ATRNL1: variants seen among roughly 807,000 people sequenced by gnomAD.
ATRNL1 encodes attractin like 1.
ATRNL1 carries 95 observed loss-of-function variants against 182.7 expected under a neutral mutation model. The ratio of observed to expected loss-of-function variants is 0.52; its 90% CI spans 0.44 to 0.62. The LOEUF is 0.62. Among genes scored for constraint, ATRNL1 ranks in the 20% least tolerant of loss-of-function variants. ATRNL1 has a pLI of 0.00. For synonymous variants in ATRNL1, 576 were observed against 568.3 expected, an observed-to-expected ratio of 1.01 and a Z score of -0.19; for missense variants, 1,471 against 1,679.5, an observed-to-expected ratio of 0.88 and a Z score of 2.17.
At chr10:115,371,870 G>A (rs595299) in intron 19 of ATRNL1, among the ~76,000 whole-genome samples, 1 of 151,900 alleles carries the variant, frequency 6.6e-6, no homozygotes, top group Non-Finnish European at 1.5e-5. Context: ...TTGAATTGTA[G>A]CCCCCGTAAT....
intron 8 of ATRNL1, among the ~76,000 whole-genome samples, chr10:115,203,854 C>A (rs1462282361): frequency 2.0e-5 from 3 of 150,906 alleles, no homozygotes; most frequent in Non-Finnish European, 4.4e-5. Flanking sequence ...GTCTTGGCCT[C>A]CCAAAATGCT....
intron 6 of ATRNL1, among the ~76,000 whole-genome samples, chr10:115,161,334 TGAA>T (rs1441754131): frequency 2.0e-5 from 3 of 151,882 alleles, no homozygotes; most frequent in Non-Finnish European, 2.9e-5. Context: ...TTTTTTAACA[TGAA>T]GAATAAAATA....
chr10:115,366,772 T>G (rs2134177389), intron 19 of ATRNL1, among the ~76,000 whole-genome samples: 1 of 151,264 alleles, frequency 6.6e-6, no homozygotes, highest in Non-Finnish European at 1.5e-5. Flanking sequence ...TCTCCTTCAC[T>G]TATGAAGCTT....
At chr10:115,928,060 G>A (rs1953287368) in intron 28 of ATRNL1, among the ~76,000 whole-genome samples, 1 of 151,966 alleles carries the variant, frequency 6.6e-6, no homozygotes, top group Non-Finnish European at 1.5e-5. Context: ...GTTAAACCAG[G>A]AAATTTCTAA....
At chr10:115,226,084 T>A (rs1036828152) in intron 9 of ATRNL1, among the ~76,000 whole-genome samples, 1 of 151,796 alleles carries the variant, frequency 6.6e-6, no homozygotes, top group Admixed American at 6.6e-5. Context: ...GGAAATAGAC[T>A]AATGCAGCAA....
chr10:115,759,439 T>C (rs1948676001), intron 27 of ATRNL1, among the ~76,000 whole-genome samples: 1 of 152,070 alleles, frequency 6.6e-6, no homozygotes, highest in South Asian at 2.1e-4. Context: ...CTTGCTCCAT[T>C]TGTGATAACC....
At chr10:115,231,226 G>A (rs1270592385) in intron 9 of ATRNL1, among the ~76,000 whole-genome samples, 1 of 152,116 alleles carries the variant, frequency 6.6e-6, no homozygotes, top group Non-Finnish European at 1.5e-5. Context: ...GAGGAAAACT[G>A]GGAGAATATG....
intron 8 of ATRNL1, among the ~76,000 whole-genome samples, chr10:115,184,115 A>G (rs1847847886): frequency 1.3e-5 from 2 of 151,510 alleles, no homozygotes; most frequent in African/African-American, 4.8e-5. Flanking sequence ...TATGAAATAT[A>G]TTAATAAAAC....
chr10:115,138,307 T>C lies in ATRNL1; in HGVS notation c.829+8772T>C, dbSNP rs141673375. ...GGTCTTGAGGACAGTGGCCCTCTTC[T>C]CACAGCTCCACTAGGTGGTGCCCCA... On this transcript the variant is annotated intron_variant, in intron 5 of 28. Coordinates refer to ENST00000355044, the MANE Select transcript of ATRNL1 (RefSeq NM_207303.4). Among the ~76,000 whole-genome samples the C allele has an allele frequency of 2.6e-3, 398 of 152,340 alleles. 2 individuals carry two copies. The highest frequency in any genetic ancestry group is 9.3e-3 in the African/African-American group (386 of 41,584).
chr10:115,515,291 C>T (rs1057445813), intron 24 of ATRNL1, among the ~76,000 whole-genome samples: 2 of 150,376 alleles, frequency 1.3e-5, no homozygotes, highest in Non-Finnish European at 3.0e-5. Context: ...AGATAGTCTG[C>T]CACTTACTTT....
chr10:115,607,368 T>C (rs1856925006), intron 26 of ATRNL1, among the ~76,000 whole-genome samples: 1 of 151,776 alleles, frequency 6.6e-6, no homozygotes. Context: ...CTGTTTATGA[T>C]CTCTGGATAT....
At chr10:115,602,686 A>G (rs1438432604) in intron 26 of ATRNL1, among the ~76,000 whole-genome samples, 1 of 151,976 alleles carries the variant, frequency 6.6e-6, no homozygotes, top group African/African-American at 2.4e-5. Context: ...ACACGGTGAA[A>G]CCCCGTCTCT....
At chr10:115,153,630 C>G (rs142228514) in intron 5 of ATRNL1, among the ~76,000 whole-genome samples, 134 of 152,220 alleles carry the variant, frequency 8.8e-4, no homozygotes, top group African/African-American at 3.1e-3. Flanking sequence ...TGCTAGCGGT[C>G]TATCAATTTT....
intron 27 of ATRNL1, among the ~76,000 whole-genome samples, chr10:115,825,368 G>A (rs782564200): frequency 2.6e-5 from 4 of 152,042 alleles, no homozygotes; most frequent in Non-Finnish European, 4.4e-5. Flanking sequence ...CACATGACAC[G>A]TATATACCTA....
chr10:115,567,100 C>T (rs1854116618), intron 26 of ATRNL1, among the ~76,000 whole-genome samples: 1 of 152,274 alleles, frequency 6.6e-6, no homozygotes, highest in Admixed American at 6.5e-5. Flanking sequence ...GGACCCAATA[C>T]TGGGTAAACA....
At chr10:115,774,741 A>G (rs1343711680) in intron 27 of ATRNL1, among the ~76,000 whole-genome samples, 5 of 152,154 alleles carry the variant, frequency 3.3e-5, no homozygotes, top group African/African-American at 1.2e-4. Context: ...AATTAGTATC[A>G]CATAATTCCT....
chr10:115,912,920 G>A (rs745510189), intron 28 of ATRNL1, among the ~76,000 whole-genome samples: 12 of 152,212 alleles, frequency 7.9e-5, no homozygotes, highest in Non-Finnish European at 1.3e-4. Flanking sequence ...CTTACTAACC[G>A]TGTGGCCATG....
chr10:115,238,356 G>T (rs939926220), intron 9 of ATRNL1, among the ~76,000 whole-genome samples: 3 of 152,090 alleles, frequency 2.0e-5, no homozygotes, highest in African/African-American at 7.2e-5. Flanking sequence ...CTGGCATATT[G>T]CCAGTATTAG....
chr10:115,728,349 T>G (rs1465303320), intron 27 of ATRNL1, among the ~76,000 whole-genome samples: 1 of 149,708 alleles, frequency 6.7e-6, no homozygotes, highest in Non-Finnish European at 1.5e-5. Context: ...AAATTATGAT[T>G]AATGACTATT....
Sources: allele counts gnomAD v4.1 joint callset (sites outside exome capture counted in the v4.1 genomes callset), GRCh38; gene constraint gnomAD v4.1.1; transcripts MANE v1.5; gene names NCBI Gene and HGNC (gene_info 2026-07-23, HGNC 2026-07-21).